RRP15: variants seen among roughly 807,000 people sequenced by gnomAD.
RRP15 encodes the protein ribosomal RNA processing 15 homolog.
RRP15 carries 18 observed loss-of-function variants against 27.1 expected under a neutral mutation model. The ratio of observed to expected loss-of-function variants is 0.66; its 90% CI spans 0.46 to 0.98. The LOEUF (loss-of-function observed/expected upper bound fraction) is 0.98. RRP15 is among the 50% of genes least tolerant of loss of function. RRP15 has a pLI of 0.00. For missense variants in RRP15, 359 were observed against 337.8 expected (o/e 1.06, Z -0.49); for synonymous variants, 107 against 109.4 (o/e 0.98, Z 0.14).
chr1:218,329,563 C>T (rs936908228), intron 4 of RRP15, among the ~76,000 whole-genome samples: 5 of 152,162 alleles, frequency 3.3e-5, no homozygotes, highest in African/African-American at 4.8e-5. Flanking sequence ...ATCAGTGTGA[C>T]GTGAGAAGCA....
chr1:218,324,895 ATGATC>A (rs1656248535), intron 4 of RRP15, among the ~76,000 whole-genome samples: 1 of 152,074 alleles, frequency 6.6e-6, no homozygotes, highest in Non-Finnish European at 1.5e-5. Context: ...TTGAAGTCAA[ATGATC>A]TGAAGTGATG....
At chr1:218,311,663 G>A (rs1655997819) in intron 4 of RRP15, among the ~76,000 whole-genome samples, 2 of 152,140 alleles carry the variant, frequency 1.3e-5, no homozygotes, top group South Asian at 2.1e-4. Context: ...TTTGCCTCTC[G>A]CCTCTCTCCT....
At chr1:218,324,987 C>T (rs1334881765) in intron 4 of RRP15, among the ~76,000 whole-genome samples, 2 of 152,052 alleles carry the variant, frequency 1.3e-5, no homozygotes, top group Non-Finnish European at 2.9e-5. Flanking sequence ...TGATTGCTTT[C>T]TTGGGTTGCT....
intron 3 of RRP15, among the ~76,000 whole-genome samples, chr1:218,305,478 C>T (rs1655885444): frequency 6.6e-6 from 1 of 152,168 alleles, no homozygotes; most frequent in Non-Finnish European, 1.5e-5. Flanking sequence ...TAATACATTA[C>T]ACATTATAGC....
intron 1 of RRP15, among the ~76,000 whole-genome samples, chr1:218,295,203 G>C (rs1216803415): frequency 1.3e-5 from 2 of 152,122 alleles, no homozygotes. Context: ...TATGATAAAG[G>C]GTAAGATGAT....
intron 1 of RRP15, among the ~76,000 whole-genome samples, chr1:218,291,031 T>C (rs1266565980): frequency 2.0e-5 from 3 of 151,916 alleles, no homozygotes; most frequent in Admixed American, 2.0e-4. Flanking sequence ...CCCAGCTACT[T>C]GGGAGGCTAA....
At chr1:218,320,142 G>A (rs1234949646) in intron 4 of RRP15, among the ~76,000 whole-genome samples, 3 of 150,772 alleles carry the variant, frequency 2.0e-5, no homozygotes, top group Non-Finnish European at 4.4e-5. Context: ...CATGTGCCAC[G>A]CTGGTGTGCT....
intron 3 of RRP15, 87 bp downstream of exon 3, chr1:218,305,212 T>C (rs1655880336): frequency 2.3e-5 from 22 of 964,420 alleles, no homozygotes; most frequent in Non-Finnish European, 3.5e-5. Flanking sequence ...ATTCTTAAGC[T>C]CAGCCTTCTC....
intron 2 of RRP15, among the ~76,000 whole-genome samples, chr1:218,302,916 C>CT (rs202114602): frequency 9.6e-4 from 141 of 146,202 alleles, no homozygotes; most frequent in Non-Finnish European, 1.2e-3. Context: ...ATGTTAGTTA[C>CT]TTTTTTTTTT....
chr1:218,318,157 C>G (rs549423636), intron 4 of RRP15, among the ~76,000 whole-genome samples: 3 of 151,998 alleles, frequency 2.0e-5, no homozygotes, highest in South Asian at 4.2e-4. Context: ...AGCTATCTGC[C>G]TTTCTCTCCA....
chr1:218,312,981 T>C (rs1333875667), intron 4 of RRP15, among the ~76,000 whole-genome samples: 1 of 152,192 alleles, frequency 6.6e-6, no homozygotes, highest in Non-Finnish European at 1.5e-5. Context: ...TCTTGAGGAA[T>C]CTGGACTTTA....
intron 4 of RRP15, among the ~76,000 whole-genome samples, chr1:218,312,824 G>T (rs1656024069): frequency 6.6e-6 from 1 of 152,146 alleles, no homozygotes; most frequent in Non-Finnish European, 1.5e-5. Flanking sequence ...GAAAAAGCCT[G>T]CCAGTTCTGT....
In RRP15 at chr1:218,332,118, A is replaced by G. The variant is rs759431288; in HGVS notation, c.*1027A>G. ...CATGCTTAACTTATGCAATGAGACA[A>G]TTTCTCAGGAAGCAAGTTTGACATG... On this transcript the variant is annotated 3_prime_UTR_variant, in exon 5 of 5. Transcript: ENST00000366932. 4.6e-5 allele frequency: 7 copies of G among 151,090 alleles called. No homozygotes were observed. The highest frequency in any genetic ancestry group is 7.4e-5 in the African/African-American group (3 of 40,678). 9.4% of individuals were successfully genotyped at this position (151,090 alleles called of 1,614,324 possible).
In RRP15 at chr1:218,336,426, A is replaced by G. The variant is rs965541659; in HGVS notation, c.*5335A>G. The G allele has an allele frequency of 6.6e-6, 1 of 152,628 alleles. No homozygotes were observed. The highest frequency in any genetic ancestry group is 1.5e-5 in the Non-Finnish European group (1 of 68,038). 9.5% of individuals were successfully genotyped at this position (152,628 alleles called of 1,614,324 possible). A position where few individuals can be genotyped will look rare whatever the true frequency, so the allele number is the denominator to read the frequency against. On this transcript the variant is annotated 3_prime_UTR_variant, in exon 5 of 5. Coordinates refer to ENST00000366932, the MANE Select transcript of RRP15 (RefSeq NM_016052.4). ...ATAAACATCAAAGTGAAAACACCAA[A>G]TTTGTAAGAGGTCAGGACCAACTGG...
intron 4 of RRP15, among the ~76,000 whole-genome samples, chr1:218,329,665 G>C (rs1392593831): frequency 6.6e-6 from 1 of 152,122 alleles, no homozygotes; most frequent in Non-Finnish European, 1.5e-5. Context: ...GTGTGCTGAT[G>C]TTTGATATAC....
intron 2 of RRP15, 113 bp downstream of exon 2, chr1:218,302,672 T>G (rs1655833645): frequency 6.8e-7 from 1 of 1,472,890 alleles, no homozygotes; most frequent in African/African-American, 1.4e-5. Flanking sequence ...TTTTAACTTG[T>G]TTTTTATGTG....
At chr1:218,321,335 T>C (rs1021573667) in intron 4 of RRP15, among the ~76,000 whole-genome samples, 7 of 152,160 alleles carry the variant, frequency 4.6e-5, no homozygotes, top group African/African-American at 1.7e-4. Context: ...GCAGAAAGAG[T>C]TGTATAGGTT....
At chr1:218,302,113 C>A in intron 1 of RRP15, 181 bp from the exon 2 acceptor site, 1 of 531,616 alleles carries the variant, frequency 1.9e-6, no homozygotes, top group Non-Finnish European at 3.3e-6. Flanking sequence ...TCTCTGGGAG[C>A]TGATGGCAAT....
chr1:218,330,274 C>T (rs1323352160), intron 4 of RRP15, among the ~76,000 whole-genome samples: 1 of 152,098 alleles, frequency 6.6e-6, no homozygotes, highest in African/African-American at 2.4e-5. Flanking sequence ...GTAATTAGTA[C>T]CACATAAATC....
Sources: gnomAD v4.1 joint callset for allele counts (sites outside exome capture counted in the v4.1 genomes callset) on GRCh38, gnomAD v4.1.1 for gene constraint, MANE v1.5 for transcripts, NCBI Gene and HGNC (gene_info 2026-07-23, HGNC 2026-07-21) for gene names.